Variants in ASAH1 observed in about 807,000 individuals in gnomAD.
ASAH1 encodes the protein N-acylsphingosine amidohydrolase 1.
In ASAH1, 70 loss-of-function variants were observed where a neutral mutation model predicts 59.5. The observed-to-expected ratio is 1.18, with a 90% CI of 0.97 to 1.43. ASAH1 has a LOEUF of 1.43. Among genes scored for constraint, ASAH1 ranks in the 40% most tolerant of loss-of-function variants. The pLI is 0.00. For missense variants in ASAH1, 660 were observed against 482.5 expected, an observed-to-expected ratio of 1.37 and a Z score of -3.45; for synonymous variants, 213 against 166.5, an observed-to-expected ratio of 1.28 and a Z score of -2.15.
At chr8:18,059,303 G>C (rs1238584026) in intron 12 of ASAH1, 38 bp downstream of exon 12, 5 of 1,613,670 alleles carry the variant, frequency 3.1e-6, no homozygotes, top group Non-Finnish European at 3.4e-6. Flanking sequence ...ATCTTTAATG[G>C]CAACAGTTTC....
intron 2 of ASAH1, chr8:18,073,258 T>C (rs1433421384): frequency 1.3e-6 from 2 of 1,579,872 alleles, no homozygotes; most frequent in South Asian, 2.3e-5. Flanking sequence ...GTATCCACCT[T>C]ATAACAGCAG....
chr8:18,076,119 T>A (rs1350806933), intron 1 of ASAH1: 1 of 167,104 alleles, frequency 6.0e-6, no homozygotes, highest in Non-Finnish European at 1.3e-5. Context: ...CTATCATCTC[T>A]CACCCTTCCA....
At chr8:18,073,966 A>T (rs1466140753) in intron 2 of ASAH1, among the ~76,000 whole-genome samples, 2 of 152,210 alleles carry the variant, frequency 1.3e-5, no homozygotes, top group Non-Finnish European at 2.9e-5. Context: ...GTACATATGT[A>T]TGTATACATG....
chr8:18,084,500 T>A (rs1430474129), upstream of ASAH1: 3 of 1,332,076 alleles, frequency 2.3e-6, no homozygotes, highest in Non-Finnish European at 1.0e-6. Flanking sequence ...ATCCAAAGAG[T>A]CTCAACACTA....
In ASAH1 at chr8:18,056,015, C is replaced by G. The variant is rs982303553; in HGVS notation, c.*1519G>C. The G allele has an allele frequency of 6.6e-6, 1 of 152,162 alleles. No homozygotes were observed. Among genetic ancestry groups the G allele is most frequent in the African/African-American group, 2.4e-5 (1 of 41,426 alleles). 9.4% of individuals were successfully genotyped at this position (152,162 alleles called of 1,614,324 possible). The stretch of plus-strand genomic sequence containing the variant: ...AATTAGCATCTCACCTCTTTACTAT[C>G]AGGCATATCAAAGGTTATTACATTA... On this transcript the variant is annotated 3_prime_UTR_variant, in exon 14 of 14. Transcript: ENST00000637790.
At chr8:18,075,978 GA>G in intron 1 of ASAH1, 1 of 300,320 alleles carries the variant, frequency 3.3e-6, no homozygotes, top group East Asian at 9.1e-5. Flanking sequence ...CCTGTCCTGG[GA>G]TTTGCCTCCC....
At chr8:18,079,477 C>A (rs1800559452) in intron 1 of ASAH1, among the ~76,000 whole-genome samples, 1 of 147,482 alleles carries the variant, frequency 6.8e-6, no homozygotes, top group African/African-American at 2.5e-5. Context: ...ACATTAAGGT[C>A]TCAATGAAAG....
intron 2 of ASAH1, among the ~76,000 whole-genome samples, chr8:18,072,513 T>A (rs80157720): frequency 9.2e-6 from 1 of 108,478 alleles, no homozygotes; most frequent in Non-Finnish European, 2.2e-5. Flanking sequence ...GACAGAAAAG[T>A]ATATTCGATT....
upstream of ASAH1, chr8:18,084,123 G>C (rs1044214925): frequency 6.9e-6 from 11 of 1,585,020 alleles, no homozygotes; most frequent in East Asian, 2.5e-4. Context: ...GCTGGGCCGG[G>C]GGCAGGCCAC....
intron 2 of ASAH1, among the ~76,000 whole-genome samples, chr8:18,074,923 A>G (rs778236592): frequency 2.6e-5 from 4 of 152,182 alleles, no homozygotes; most frequent in Non-Finnish European, 5.9e-5. Context: ...CATTTCAAAT[A>G]CAGCCCTTAC....
intron 1 of ASAH1, among the ~76,000 whole-genome samples, chr8:18,081,370 T>C (rs942535637): frequency 2.6e-5 from 4 of 152,200 alleles, no homozygotes; most frequent in South Asian, 2.1e-4. Flanking sequence ...CTACCCTTGC[T>C]GACCTCCAAT....
At chr8:18,064,169 T>C in intron 6 of ASAH1, 1 of 552,370 alleles carries the variant, frequency 1.8e-6, no homozygotes, top group Admixed American at 3.4e-5. Flanking sequence ...TCAAAGCATG[T>C]AGATGGGTAG....
Position 18,061,366 on chromosome 8 carries a change from A to C in ASAH1, c.785+11T>G, listed in dbSNP as rs779855425. ...ATAAATATTTAATAGTAAAGCAACG[A>C]AACACTTTACCTTGTGCTATTTTCC... is the stretch of plus-strand genomic sequence containing the variant. On this transcript the variant is annotated intron_variant, in intron 10 of 13. Transcript: ENST00000637790. 6.2e-7 allele frequency: 1 copy of C among 1,601,190 alleles called. No homozygotes were observed. The highest frequency in any genetic ancestry group is 8.6e-7 in the Non-Finnish European group (1 of 1,168,426).
At chr8:18,074,484 T>C (rs1031087629) in intron 2 of ASAH1, among the ~76,000 whole-genome samples, 2 of 152,244 alleles carry the variant, frequency 1.3e-5, no homozygotes, top group African/African-American at 4.8e-5. Context: ...TAATTTGGAA[T>C]GTTGCACGAA....
intron 9 of ASAH1, 37 bp downstream of exon 9, chr8:18,061,649 C>CT (rs745767331): frequency 8.3e-6 from 13 of 1,573,126 alleles, no homozygotes; most frequent in African/African-American, 1.4e-5. Context: ...TAAAAAAGCT[C>CT]TGAGATTCCC....
intron 1 of ASAH1, among the ~76,000 whole-genome samples, chr8:18,081,374 C>T (rs1016763218): frequency 1.1e-4 from 16 of 152,186 alleles, no homozygotes; most frequent in Admixed American, 3.9e-4. Context: ...CCTTGCTGAC[C>T]TCCAATCCAG....
intron 5 of ASAH1, 163 bp downstream of exon 5, chr8:18,067,057 C>T (rs1260913663): frequency 1.8e-5 from 4 of 228,150 alleles, no homozygotes; most frequent in Admixed American, 1.1e-4. Flanking sequence ...TACATGCATG[C>T]ATGCATTTCT....
intron 7 of ASAH1, 165 bp downstream of exon 7, chr8:18,063,020 C>G (rs1249408976): frequency 4.6e-6 from 3 of 651,362 alleles, no homozygotes; most frequent in Non-Finnish European, 8.1e-6. Flanking sequence ...CAGATGCCCA[C>G]CACCATGCCT....
At chr8:18,082,075 A>T (rs547435791) in intron 1 of ASAH1, among the ~76,000 whole-genome samples, 2 of 152,380 alleles carry the variant, frequency 1.3e-5, no homozygotes, top group African/African-American at 4.8e-5. Context: ...CAGAGTAAAG[A>T]TTAACATTCT....
Sources: gnomAD v4.1 joint callset for allele counts (sites outside exome capture counted in the v4.1 genomes callset) on GRCh38, gnomAD v4.1.1 for gene constraint, MANE v1.5 for transcripts, NCBI Gene and HGNC (gene_info 2026-07-23, HGNC 2026-07-21) for gene names.